Variants in NSL1 observed in about 807,000 individuals in gnomAD.
NSL1 encodes kinetochore-associated protein NSL1 homolog.
NSL1 carries 11 observed loss-of-function variants against 25.4 expected under a neutral mutation model. The observed-to-expected ratio is 0.43, with a 90% CI of 0.27 to 0.72. The LOEUF is 0.72. Ranked by LOEUF, NSL1 falls within the 30% of genes least tolerant of loss-of-function variation. NSL1 has a pLI of 0.19. For missense variants in NSL1, 330 were observed against 342.7 expected (o/e 0.96, Z 0.29); for synonymous variants, 118 against 120.6 (o/e 0.98, Z 0.14).
Position 212,767,103 on chromosome 1 carries a change from T to A in NSL1, c.499+15269A>T, listed in dbSNP as rs1391287844. ...CTAGAAAAAACAATCCTAAAATTCA[T>A]ATGAAACCAAAAAAGAGCCCACATA... On this transcript the variant is annotated intron_variant, in intron 4 of 5. Coordinates refer to ENST00000366977, the MANE Select transcript of NSL1 (RefSeq NM_015471.4). Among the ~76,000 whole-genome samples, 3 of 152,064 alleles carry A rather than the reference T, an allele frequency of 2.0e-5. No individual in the cohort carries two copies. In the East Asian group the frequency reaches 5.8e-4, roughly 29 times the overall value.
chr1:212,776,963 G>C (rs1396078958), intron 4 of NSL1, among the ~76,000 whole-genome samples: 1 of 150,194 alleles, frequency 6.7e-6, no homozygotes. Context: ...AAAAACAGGA[G>C]GATCATAATA....
At chr1:212,753,140 T>C (rs1404384098) in intron 4 of NSL1, among the ~76,000 whole-genome samples, 1 of 152,220 alleles carries the variant, frequency 6.6e-6, no homozygotes, top group Non-Finnish European at 1.5e-5. Flanking sequence ...TTGAACCCAT[T>C]TGCTCAGTAG....
At chr1:212,739,878 A>C (rs1273762163) in intron 4 of NSL1, among the ~76,000 whole-genome samples, 1 of 152,224 alleles carries the variant, frequency 6.6e-6, no homozygotes, top group African/African-American at 2.4e-5. Context: ...TACATTACCT[A>C]CCACTATGTT....
chr1:212,756,073 G>C (rs1008953920), intron 4 of NSL1, among the ~76,000 whole-genome samples: 1 of 152,150 alleles, frequency 6.6e-6, no homozygotes, highest in South Asian at 2.1e-4. Context: ...AGGGGTGACA[G>C]GAAGAGAGAG....
intron 4 of NSL1, among the ~76,000 whole-genome samples, chr1:212,743,082 A>T (rs950831023): frequency 6.6e-6 from 1 of 152,242 alleles, no homozygotes; most frequent in African/African-American, 2.4e-5. Context: ...CTTAGGAAAA[A>T]ACAGGTATGA....
intron 4 of NSL1, among the ~76,000 whole-genome samples, chr1:212,747,100 G>GC (rs1658830933): frequency 6.7e-6 from 1 of 148,378 alleles, no homozygotes; most frequent in African/African-American, 2.5e-5. Context: ...AGCTGAGATC[G>GC]CACTGCACTC....
rs1657993469 is a variant in NSL1 at position 212,731,074 on chromosome 1, C to T, written c.*7334G>A. 1 of 984,974 alleles carries T rather than the reference C, an allele frequency of 1.0e-6. No homozygotes were observed. Among genetic ancestry groups the T allele is most frequent in the African/African-American group, 1.7e-5 (1 of 57,178 alleles). 61.0% of individuals were successfully genotyped at this position (984,974 alleles called of 1,614,324 possible). On this transcript the variant is annotated 3_prime_UTR_variant, in exon 6 of 6. Transcript: ENST00000366977. ...GAATATAACATTAATTTTCTCAAATCCTTTCATATAAAATCCCCAAGAACC... is the reference window on the plus strand; with the variant it reads ...GAATATAACATTAATTTTCTCAAATTCTTTCATATAAAATCCCCAAGAACC...
chr1:212,771,372 C>A (rs1660102912), intron 4 of NSL1, among the ~76,000 whole-genome samples: 1 of 152,058 alleles, frequency 6.6e-6, no homozygotes, highest in South Asian at 2.1e-4. Context: ...ATAATAAAAG[C>A]CACATATGAC....
At chr1:212,740,869 T>C (rs953410679) in intron 4 of NSL1, among the ~76,000 whole-genome samples, 4 of 152,224 alleles carry the variant, frequency 2.6e-5, no homozygotes, top group African/African-American at 7.2e-5. Context: ...ATTGATGGCA[T>C]AGTGATTACC....
rs1245945074 is a variant in NSL1, at chr1:212,734,668, G to A, written c.*3740C>T. Among the ~76,000 whole-genome samples the A allele has an allele frequency of 3.7e-4, 56 of 152,104 alleles. No homozygotes were observed. The highest frequency in any genetic ancestry group is 3.6e-3 in the Admixed American group (55 of 15,266). On this transcript the variant is annotated 3_prime_UTR_variant, in exon 6 of 6. Transcript: ENST00000366977. Reference sequence around the variant, plus strand: ...TTCTTTTATTCAATATAGTATCTTTGATATTGATCCACATTGTTATAACAG... The same window carrying A: ...TTCTTTTATTCAATATAGTATCTTTAATATTGATCCACATTGTTATAACAG...
At chr1:212,751,925 T>C (rs1176383989) in intron 4 of NSL1, among the ~76,000 whole-genome samples, 1 of 152,226 alleles carries the variant, frequency 6.6e-6, no homozygotes, top group African/African-American at 2.4e-5. Context: ...ACTCCTGATA[T>C]ACAAGTATGT....
At chr1:212,746,579 A>G (rs1318773775) in intron 4 of NSL1, among the ~76,000 whole-genome samples, 2 of 152,238 alleles carry the variant, frequency 1.3e-5, no homozygotes, top group Non-Finnish European at 2.9e-5. Context: ...CCAATTAAAG[A>G]CAAAAGTTGG....
rs554367758 is a variant in NSL1, at chr1:212,791,745, A to C, written c.19T>G (p.Leu7Val). Residue 7 changes from leucine (L) to valine (V), a missense_variant, in exon 1 of 6, where the codon TTG (leucine) becomes GTG (valine). By Grantham distance (32) the Leu-to-Val change is conservative. Coordinates refer to ENST00000366977, the MANE Select transcript of NSL1 (RefSeq NM_015471.4). MAGSPE[L>V]VVLDPPWDKE... ...TCCCATGGAGGGTCAAGGACCACCAACTCAGGAGACCCCGCCATTTTTCGT... is the reference window on the plus strand; with the variant it reads ...TCCCATGGAGGGTCAAGGACCACCACCTCAGGAGACCCCGCCATTTTTCGT... 1.1e-5 allele frequency: 17 copies of C among 1,607,242 alleles called. No individual in the cohort carries two copies. The Admixed American group carries it at 2.7e-4, about 26-fold the overall frequency.
rs1360047870 is a variant in NSL1 at position 212,730,743 on chromosome 1, T to C, written c.*7665A>G. 4.1e-6 allele frequency: 4 copies of C among 985,318 alleles called. No homozygotes were observed. Among genetic ancestry groups the C allele is most frequent in the Non-Finnish European group, 4.8e-6 (4 of 829,926 alleles). 61.0% of individuals were successfully genotyped at this position (985,318 alleles called of 1,614,324 possible). A position where few individuals can be genotyped will look rare whatever the true frequency, so the allele number is the denominator to read the frequency against. On this transcript the variant is annotated 3_prime_UTR_variant, in exon 6 of 6. Transcript: ENST00000366977. ...ATATGGGAATTAGACTTAGTTCTAG[T>C]AGACGTAGTTCTAGTAGACAGGAGA...
intron 4 of NSL1, among the ~76,000 whole-genome samples, chr1:212,767,584 C>T (rs924507273): frequency 2.0e-5 from 3 of 152,128 alleles, no homozygotes; most frequent in Non-Finnish European, 4.4e-5. Context: ...CCTAATTAAA[C>T]TAAAAAGCTT....
At chr1:212,753,339 G>T (rs1659154296) in intron 4 of NSL1, among the ~76,000 whole-genome samples, 1 of 152,108 alleles carries the variant, frequency 6.6e-6, no homozygotes, top group African/African-American at 2.4e-5. Flanking sequence ...AGCCTCTCTG[G>T]TCTTTTGTTC....
intron 4 of NSL1, among the ~76,000 whole-genome samples, chr1:212,750,951 A>T (rs1659042760): frequency 6.6e-6 from 1 of 152,162 alleles, no homozygotes; most frequent in Non-Finnish European, 1.5e-5. Flanking sequence ...ACGAAAAAAA[A>T]TAATAATAAA....
At chr1:212,778,519 C>G (rs1660489979) in intron 4 of NSL1, among the ~76,000 whole-genome samples, 1 of 152,226 alleles carries the variant, frequency 6.6e-6, no homozygotes, top group South Asian at 2.1e-4. Flanking sequence ...CTGCCTCAGC[C>G]TGCTGAGTGC....
At position 212,738,405 on chromosome 1, in the gene NSL1, A is replaced by C; in HGVS notation, c.*3T>G. The C allele has an allele frequency of 6.2e-7, 1 of 1,604,612 alleles. No homozygotes were observed. Among genetic ancestry groups the C allele is most frequent in the Non-Finnish European group, 8.5e-7 (1 of 1,175,742 alleles). On this transcript the variant is annotated 3_prime_UTR_variant, in exon 6 of 6. Coordinates refer to ENST00000366977, the MANE Select transcript of NSL1 (RefSeq NM_015471.4). ...TTCAACTCCCAAAATAAACAGAAAG[A>C]GCTCATGTATCAAGATTAATTTTCT...
Sources: allele counts gnomAD v4.1 joint callset (sites outside exome capture counted in the v4.1 genomes callset), GRCh38; gene constraint gnomAD v4.1.1; transcripts MANE v1.5; gene names NCBI Gene and HGNC (gene_info 2026-07-23, HGNC 2026-07-21).